The following DGKZ variants were observed in gnomAD, a reference collection of about 807,000 sequenced individuals.
DGKZ encodes DAG kinase zeta.
DGKZ carries 45 observed loss-of-function variants against 142.5 expected under a neutral mutation model. The ratio of observed to expected loss-of-function variants is 0.32; its 90% CI spans 0.25 to 0.40. The LOEUF (loss-of-function observed/expected upper bound fraction) is 0.40, where lower values mean the gene tolerates loss of function less well. DGKZ is among the 10% of genes least tolerant of loss of function. DGKZ has a pLI of 1.00. For missense variants in DGKZ, 755 were observed against 1,306.5 expected, an observed-to-expected ratio of 0.58 and a Z score of 6.51; for synonymous variants, 442 against 527.0, an observed-to-expected ratio of 0.84 and a Z score of 2.21.
chr11:46,374,290 A>G (rs1944301448), intron 15 of DGKZ, 55 bp downstream of exon 15: 9 of 1,612,332 alleles, frequency 5.6e-6, no homozygotes, highest in Non-Finnish European at 5.9e-6. Flanking sequence ...TGTCCCCGGG[A>G]GGGTCAGACC....
rs567915814 is a variant in DGKZ, at chr11:46,348,079, T to A, written c.161+259T>A. Among the ~76,000 whole-genome samples the A allele has an allele frequency of 1.9e-3, 290 of 152,212 alleles. 1 individual carries two copies. The highest frequency in any genetic ancestry group is 6.8e-3 in the African/African-American group (284 of 41,542). Reference sequence around the variant, plus strand: ...TCATTCCCTGGCACCGGCAGTCTAGTGCGCCTCATGTGTAGTACCGTGGGA... The same window carrying A: ...TCATTCCCTGGCACCGGCAGTCTAGAGCGCCTCATGTGTAGTACCGTGGGA... On this transcript the variant is annotated intron_variant, in intron 1 of 30. Transcript: ENST00000527911.
chr11:46,361,905 A>G, intron 1 of DGKZ: 1 of 154,064 alleles, frequency 6.5e-6, no homozygotes, highest in Non-Finnish European at 1.4e-5. Context: ...CCTGCCGACT[A>G]AACACTCACT....
rs1372141226 is a variant in DGKZ at position 46,368,083 on chromosome 11, G to C, written c.444+4G>C. 5 of 1,613,964 alleles carry C rather than the reference G, an allele frequency of 3.1e-6. No homozygotes were observed. Among genetic ancestry groups the C allele is most frequent in the Non-Finnish European group, 3.4e-6 (4 of 1,180,010 alleles). ...CTGCATCGAGCAGCTGGAGAAGGTG[G>C]GTGGGTAGCTCAGCTTTGCCCGCCC... On this transcript the variant is annotated splice_donor_region_variant and intron_variant, in intron 4 of 30. Transcript: ENST00000527911.
At chr11:46,333,445 A>C in exon 1 of DGKZ, 3 of 1,534,606 alleles carry the variant, frequency 2.0e-6, no homozygotes, top group Non-Finnish European at 1.8e-6. Flanking sequence ...CCGGTGGAGG[A>C]GCGTTTCCGC....
chr11:46,372,218 G>A lies in DGKZ; in HGVS notation c.927+48G>A. The A allele has an allele frequency of 6.7e-7, 1 of 1,499,714 alleles. No homozygotes were observed. Among genetic ancestry groups the A allele is most frequent in the Non-Finnish European group, 9.0e-7 (1 of 1,106,492 alleles). 92.9% of individuals were successfully genotyped at this position (1,499,714 alleles called of 1,614,324 possible). A position where few individuals can be genotyped will look rare whatever the true frequency, so the allele number is the denominator to read the frequency against. ...GCTAAGGGCTCGGGCGGGGGTTGGG[G>A]TCCAGCCCGTCTGCCAGCAGCTGTT... is the stretch of plus-strand genomic sequence containing the variant. On this transcript the variant is annotated intron_variant, in intron 10 of 30. Transcript: ENST00000527911. This position sits in a 1 kb window ranked among gnomAD's most constrained non-coding sequence, Gnocchi z 5.9.
upstream of DGKZ, among the ~76,000 whole-genome samples, chr11:46,347,094 G>C (rs1167747799): frequency 6.6e-6 from 1 of 152,182 alleles, no homozygotes; most frequent in African/African-American, 2.4e-5. This position sits in a 1 kb window ranked among gnomAD's most constrained non-coding sequence, Gnocchi z 6.4. Flanking sequence ...GCTATGAGTA[G>C]GGTGTGCGAG....
chr11:46,377,301 C>T, intron 25 of DGKZ, 89 bp downstream of exon 25: 2 of 1,466,764 alleles, frequency 1.4e-6, no homozygotes, highest in Non-Finnish European at 9.0e-7. Context: ...CTAGCCCCTC[C>T]ACCAGTTAAC....
intron 1 of DGKZ, among the ~76,000 whole-genome samples, chr11:46,360,517 G>C (rs1311255379): frequency 2.0e-5 from 3 of 151,870 alleles, no homozygotes; most frequent in Non-Finnish European, 4.4e-5. Context: ...GCTGGGTGCG[G>C]TGGCTCATGC....
At chr11:46,366,340 G>C in intron 1 of DGKZ, 1 of 1,556,444 alleles carries the variant, frequency 6.4e-7, no homozygotes, top group East Asian at 2.3e-5. Flanking sequence ...GCGTGGGGCT[G>C]CCCACAGGCA....
exon 30 of DGKZ, chr11:46,379,514 C>T (rs1944972648): frequency 5.6e-6 from 9 of 1,611,576 alleles, no homozygotes; most frequent in South Asian, 1.1e-5. Context: ...GCCAGCGCAC[C>T]ATCTGCCACT....
intron 1 of DGKZ, among the ~76,000 whole-genome samples, chr11:46,338,410 C>T (rs1003496932): frequency 4.8e-5 from 7 of 146,918 alleles, no homozygotes; most frequent in Non-Finnish European, 1.0e-4. Context: ...GCAGGAGAAT[C>T]GCTTGAACCC....
chr11:46,369,834 C>T, intron 5 of DGKZ, 107 bp from the exon 6 acceptor site: 1 of 1,232,776 alleles, frequency 8.1e-7, no homozygotes, highest in South Asian at 1.2e-5. Context: ...ATGCGCAGGA[C>T]TGCAGAGCGC....
intron 1 of DGKZ, among the ~76,000 whole-genome samples, chr11:46,362,439 C>CT (rs760985304): frequency 2.4e-4 from 37 of 152,182 alleles, no homozygotes; most frequent in Non-Finnish European, 4.3e-4. Context: ...TTCTGGGTTC[C>CT]TGGCCTCACT....
chr11:46,369,702 T>A, intron 5 of DGKZ, 152 bp downstream of exon 5: 2 of 1,071,524 alleles, frequency 1.9e-6, no homozygotes, highest in Non-Finnish European at 2.8e-6. Flanking sequence ...GAGGCCTAAC[T>A]AGCGCTGCCT....
chr11:46,366,768 CCGTATATGACCA>C, intron 1 of DGKZ: 1 of 1,549,174 alleles, frequency 6.5e-7, no homozygotes, highest in Non-Finnish European at 8.7e-7. Flanking sequence ...CCCGCGGATG[CCGTATATGACCA>C]CGCTCTCTGG....
intron 1 of DGKZ, among the ~76,000 whole-genome samples, chr11:46,359,355 G>A (rs781683659): frequency 6.6e-6 from 1 of 151,810 alleles, no homozygotes; most frequent in African/African-American, 2.4e-5. Flanking sequence ...TGAGACAGGA[G>A]AGTCACTTGA....
intron 14 of DGKZ, 117 bp downstream of exon 14, chr11:46,373,218 C>T: frequency 8.5e-7 from 1 of 1,174,852 alleles, no homozygotes; most frequent in South Asian, 1.7e-5. Flanking sequence ...ACTTCCACTT[C>T]TTCCTTGTAC....
At chr11:46,341,921 AG>A (rs1441183748) in intron 1 of DGKZ, among the ~76,000 whole-genome samples, 1 of 152,184 alleles carries the variant, frequency 6.6e-6, no homozygotes, top group African/African-American at 2.4e-5. Context: ...GAGGCGGAAA[AG>A]CAAGAACAGC....
At chr11:46,335,916 G>A (rs1039756042) in intron 1 of DGKZ, among the ~76,000 whole-genome samples, 26 of 152,222 alleles carry the variant, frequency 1.7e-4, no homozygotes, top group Admixed American at 1.4e-3. Context: ...CCGGGGGCTG[G>A]CAGGAGCTCA....
Sources: allele counts gnomAD v4.1 joint callset (sites outside exome capture counted in the v4.1 genomes callset), GRCh38; gene constraint gnomAD v4.1.1; non-coding constraint Gnocchi (gnomAD v3.1); transcripts MANE v1.5; gene names NCBI Gene and HGNC (gene_info 2026-07-23, HGNC 2026-07-21).